C1QTNF3: variants seen among roughly 807,000 people sequenced by gnomAD.
The protein encoded by C1QTNF3 is C1q and TNF related 3, also known as complement C1q tumor necrosis factor-related protein 3.
C1QTNF3 carries 26 observed loss-of-function variants against 32.6 expected under a neutral mutation model. The observed-to-expected ratio is 0.80, with a 90% CI of 0.58 to 1.11. The LOEUF is 1.11. Ranked by LOEUF, C1QTNF3 falls within the 50% of genes least tolerant of loss-of-function variation. C1QTNF3 has a pLI of 0.00. For missense variants in C1QTNF3, 362 were observed against 398.2 expected, an observed-to-expected ratio of 0.91 and a Z score of 0.77; for synonymous variants, 155 against 146.0, an observed-to-expected ratio of 1.06 and a Z score of -0.44.
chr5:34,087,015 AAGT>A, the C1QTNF3 span, among the ~76,000 whole-genome samples: 17 of 151,570 alleles, frequency 1.1e-4, no homozygotes, highest in African/African-American at 4.1e-4. Flanking sequence ...TTTCAAAATT[AAGT>A]ATGCACTGGC....
chr5:34,147,883 T>C, the C1QTNF3 span, among the ~76,000 whole-genome samples: 1 of 152,054 alleles, frequency 6.6e-6, no homozygotes, highest in Non-Finnish European at 1.5e-5. Flanking sequence ...ACAGCTCCGG[T>C]CTACAGCTCC....
the C1QTNF3 span, among the ~76,000 whole-genome samples, chr5:34,243,670 T>C: frequency 6.6e-6 from 1 of 151,674 alleles, no homozygotes; most frequent in African/African-American, 2.4e-5. Flanking sequence ...TGCAGCAACA[T>C]GGATGGAGCT....
intron 4 of C1QTNF3, 79 bp downstream of exon 4, chr5:34,028,675 T>A: frequency 8.1e-7 from 1 of 1,230,586 alleles, no homozygotes; most frequent in Non-Finnish European, 1.1e-6. Context: ...CGTCCCTCCC[T>A]CTCTTCTTTC....
At chr5:34,143,839 A>T in the C1QTNF3 span, among the ~76,000 whole-genome samples, 2 of 152,178 alleles carry the variant, frequency 1.3e-5, no homozygotes, top group Non-Finnish European at 2.9e-5. Flanking sequence ...ACTTAAGCAC[A>T]TAGCCCGCAG....
the C1QTNF3 span, among the ~76,000 whole-genome samples, chr5:34,217,917 C>T: frequency 6.6e-6 from 1 of 151,962 alleles, no homozygotes; most frequent in Non-Finnish European, 1.5e-5. Context: ...TAACAGTGAC[C>T]AAATGTATAA....
At chr5:34,027,878 GT>G (rs568778000) in intron 4 of C1QTNF3, among the ~76,000 whole-genome samples, 3,526 of 147,648 alleles carry the variant, frequency 0.024, 128 homozygotes, top group African/African-American at 0.081. Flanking sequence ...TATATTGTTA[GT>G]TTTTTTTTTT....
the C1QTNF3 span, among the ~76,000 whole-genome samples, chr5:34,129,419 G>C: frequency 6.6e-6 from 1 of 152,184 alleles, no homozygotes; most frequent in Admixed American, 6.5e-5. Context: ...AGTTACCAGA[G>C]ATTTAGGAGT....
the C1QTNF3 span, among the ~76,000 whole-genome samples, chr5:34,057,923 C>T: frequency 5.3e-5 from 8 of 152,158 alleles, no homozygotes; most frequent in Non-Finnish European, 1.0e-4. Context: ...TGCCATTAAC[C>T]AGTAAAAGGG....
intron 1 of C1QTNF3, among the ~76,000 whole-genome samples, chr5:34,037,058 A>C (rs1455984861): frequency 6.6e-6 from 1 of 152,244 alleles, no homozygotes; most frequent in Non-Finnish European, 1.5e-5. Context: ...TGAAATGCTT[A>C]TTTATACAAA....
Position 34,018,864 on chromosome 5 carries a change from C to T in C1QTNF3, c.*1719G>A, listed in dbSNP as rs560176898. ...ATTTGCGGCTGGGTGCGGGGGCTCA[C>T]GCCTGTAATCCCAGCACTTTGGAAG... On this transcript the variant is annotated 3_prime_UTR_variant, in exon 6 of 6. Transcript: ENST00000382065. Among the ~76,000 whole-genome samples the T allele has an allele frequency of 4.3e-4, 66 of 152,280 alleles. No individual in the cohort carries two copies. Among genetic ancestry groups the T allele is most frequent in the African/African-American group, 1.5e-3 (64 of 41,564 alleles).
At chr5:34,058,450 T>C in the C1QTNF3 span, among the ~76,000 whole-genome samples, 99,816 of 152,020 alleles carry the variant, frequency 0.66, 33,101 homozygotes, top group African/African-American at 0.71. Flanking sequence ...AAAGTATTAA[T>C]CACACTTTGC....
At chr5:34,088,810 G>T in the C1QTNF3 span, among the ~76,000 whole-genome samples, 1 of 152,040 alleles carries the variant, frequency 6.6e-6, no homozygotes, top group Non-Finnish European at 1.5e-5. Flanking sequence ...CCTGTGTTCT[G>T]CCCTATAACT....
intron 4 of C1QTNF3, among the ~76,000 whole-genome samples, chr5:34,025,734 C>A (rs926241710): frequency 5.9e-5 from 9 of 152,172 alleles, no homozygotes; most frequent in Non-Finnish European, 1.3e-4. Flanking sequence ...AAAATTAAAT[C>A]CTTACTTAGG....
At chr5:34,196,718 G>A in the C1QTNF3 span, among the ~76,000 whole-genome samples, 1 of 134,696 alleles carries the variant, frequency 7.4e-6, no homozygotes, top group African/African-American at 2.8e-5. Context: ...GGAGTGCAGT[G>A]GCGCCATCTC....
the C1QTNF3 span, among the ~76,000 whole-genome samples, chr5:34,173,008 G>A: frequency 6.6e-6 from 1 of 152,040 alleles, no homozygotes; most frequent in Non-Finnish European, 1.5e-5. Flanking sequence ...AGGTTCAAGG[G>A]TGGACTTTTA....
At chr5:34,207,516 T>G in the C1QTNF3 span, among the ~76,000 whole-genome samples, 1 of 152,176 alleles carries the variant, frequency 6.6e-6, no homozygotes, top group African/African-American at 2.4e-5. Flanking sequence ...ATATCTTTAT[T>G]AATATATAAA....
Position 34,028,842 on chromosome 5 carries a change from C to A in C1QTNF3, c.612G>T (p.Gln204His), listed in dbSNP as rs745473321. The A allele has an allele frequency of 3.7e-6, 6 of 1,612,702 alleles. No homozygotes were observed. In the African/African-American group the frequency reaches 8.0e-5, roughly 22 times the overall value. Residue 204 changes from glutamine (Q) to histidine (H), a missense_variant, in exon 4 of 6, where the codon CAG becomes CAT. By Grantham distance (24) the Gln-to-His change is conservative. Transcript: ENST00000382065. ...MASLATHFSN[Q>H]NSGIIFSSVE... ...CACTGCTGAAGATAATCCCACTGTT[C>A]TGATTGCTGAAGTGGGTTGCCAGAG...
intron 2 of C1QTNF3, among the ~76,000 whole-genome samples, 200 bp downstream of exon 2, chr5:34,035,447 C>T (rs1037395310): frequency 6.6e-6 from 1 of 152,338 alleles, no homozygotes; most frequent in Non-Finnish European, 1.5e-5. Flanking sequence ...TATACTGGAA[C>T]GAAGACTATG....
chr5:34,035,760 TA>T lies in C1QTNF3; in HGVS notation c.304-3del. The T allele has an allele frequency of 1.9e-6, 3 of 1,605,638 alleles. No individual in the cohort carries two copies. The highest frequency in any genetic ancestry group is 1.7e-6 in the Non-Finnish European group (2 of 1,174,046). ...GGGTAGTCCTCCGGTTTGTGGAGAC[TA>T]AAAAGACAGAAAGAGAAGCTTCAGA... is the stretch of plus-strand genomic sequence containing the variant. On this transcript the variant is annotated splice_polypyrimidine_tract_variant and splice_region_variant and intron_variant, in intron 1 of 5. Coordinates refer to ENST00000382065, the MANE Select transcript of C1QTNF3 (RefSeq NM_181435.6).
Sources: allele counts gnomAD v4.1 joint callset (sites outside exome capture counted in the v4.1 genomes callset), GRCh38; gene constraint gnomAD v4.1.1; transcripts MANE v1.5; gene names NCBI Gene and HGNC (gene_info 2026-07-23, HGNC 2026-07-21).